DMD: variants seen among roughly 807,000 people sequenced by gnomAD.
The protein encoded by DMD is mutant dystrophin.
In DMD, 63 loss-of-function variants were observed where a neutral mutation model predicts 330.1. The ratio of observed to expected loss-of-function variants is 0.19; its 90% CI spans 0.16 to 0.24. The LOEUF is 0.24. Ranked by LOEUF, DMD falls within the 10% of genes least tolerant of loss-of-function variation. The pLI, the probability that DMD is intolerant of heterozygous loss-of-function variation, is 1.00. For synonymous variants in DMD, 1,223 were observed against 959.8 expected (o/e 1.27, Z -5.07); for missense variants, 3,344 against 2,684.1 (o/e 1.25, Z -5.43).
intron 2 of DMD, among the ~76,000 whole-genome samples, chrX:32,926,621 G>T (rs1031417778): frequency 9.2e-6 from 1 of 109,116 alleles, no homozygotes; most frequent in African/African-American, 3.3e-5. Flanking sequence ...ATGTGGCGGC[G>T]TGAGGCTGTA....
intron 55 of DMD, among the ~76,000 whole-genome samples, chrX:31,610,795 T>C (rs1305400991): frequency 9.0e-6 from 1 of 111,581 alleles, no homozygotes; most frequent in Non-Finnish European, 1.9e-5. Context: ...TCATGAGTCA[T>C]TAGAGTGTAA....
In DMD at chrX:32,342,158, C is replaced by T. The variant is rs200455300; in HGVS notation, c.5864G>A (p.Arg1955His). Residue 1955 changes from arginine (R) to histidine (H), a missense_variant, in exon 41 of 79, where the codon CGC (arginine) becomes CAC (histidine). Coordinates refer to ENST00000357033, the MANE Select transcript of DMD (RefSeq NM_004006.3). ...AAATTTGCTCTCAATTTCCCGCCAGCGCTTGCTGAGCTGGATCTGAGTTGG... is the reference window on the plus strand; with the variant it reads ...AAATTTGCTCTCAATTTCCCGCCAGTGCTTGCTGAGCTGGATCTGAGTTGG... Reference protein sequence around the residue: ...VEPTQIQLSKRWREIESKFAQ... With the variant: ...VEPTQIQLSKHWREIESKFAQ... 22 of 1,208,327 alleles carry T rather than the reference C, an allele frequency of 1.8e-5. No homozygotes were observed. The highest frequency in any genetic ancestry group is 5.9e-5 in the East Asian group (2 of 33,672).
rs1028382266 is a variant in DMD, at chrX:31,970,041, G to A, written c.6439-1527C>T. 6.3e-5 allele frequency among the ~76,000 whole-genome samples: 7 copies of A among 111,964 alleles called. No homozygotes were observed. The East Asian group carries it at 2.0e-3, about 32-fold the overall frequency. On this transcript the variant is annotated intron_variant, in intron 44 of 78. Coordinates refer to ENST00000357033, the MANE Select transcript of DMD (RefSeq NM_004006.3). ...CAAACTGTGTCTATATATTAGGTTG[G>A]TGCAAAAGTAATCACGGTTTATGCC...
chrX:31,421,494 T>TTTA (rs2063358863), intron 60 of DMD, among the ~76,000 whole-genome samples: 1 of 111,904 alleles, frequency 8.9e-6, no homozygotes, highest in African/African-American at 3.2e-5. Context: ...TTTCTATCAA[T>TTTA]TATTATATGC....
intron 39 of DMD, among the ~76,000 whole-genome samples, chrX:32,344,544 C>T (rs763005677): frequency 3.6e-5 from 4 of 110,991 alleles, no homozygotes; most frequent in African/African-American, 6.5e-5. Flanking sequence ...TCAGATCGAA[C>T]GCTGCTTTTT....
chrX:31,275,563 G>GA (rs1221404536), intron 62 of DMD, among the ~76,000 whole-genome samples: 1 of 111,194 alleles, frequency 9.0e-6, no homozygotes, highest in Non-Finnish European at 1.9e-5. Context: ...GGATAGAGAA[G>GA]AAAAAATTGG....
At chrX:32,915,678 C>A (rs900478231) in intron 2 of DMD, among the ~76,000 whole-genome samples, 1 of 111,955 alleles carries the variant, frequency 8.9e-6, no homozygotes, top group Admixed American at 9.5e-5. Context: ...AGTAATTGTT[C>A]CTCACTTGAC....
At chrX:32,441,035 C>G in intron 28 of DMD, 145 bp downstream of exon 28, 1 of 654,435 alleles carries the variant, frequency 1.5e-6, no homozygotes, top group East Asian at 3.6e-5. Flanking sequence ...GGAACAAAGG[C>G]TTTATCCAAA....
rs1174073521 is a variant in DMD at position 31,134,124 on chromosome X, G to A, written c.10992C>T (p.Asn3664=). 12 of 1,209,114 alleles carry A rather than the reference G, an allele frequency of 9.9e-6. No individual in the cohort carries two copies. Among genetic ancestry groups the A allele is most frequent in the Non-Finnish European group, 1.3e-5 (12 of 894,717 alleles). Reference sequence around the variant, plus strand: ...TACCTCTTGAACTAGGGAAGGAGTTGTTGAGTTGCTCCATCACCTCCTCTA... The same window carrying A: ...TACCTCTTGAACTAGGGAAGGAGTTATTGAGTTGCTCCATCACCTCCTCTA... ...TGLEEVMEQL[N]NSFPSSRGRN... Residue 3664 remains asparagine (N), a synonymous_variant, in exon 77 of 79, where the codon AAC becomes AAT. Coordinates refer to ENST00000357033, the MANE Select transcript of DMD (RefSeq NM_004006.3).
intron 60 of DMD, among the ~76,000 whole-genome samples, chrX:31,406,099 T>G (rs2061393181): frequency 1.8e-5 from 2 of 111,953 alleles, no homozygotes; most frequent in African/African-American, 6.5e-5. Context: ...AATACCAAAT[T>G]AGAAACTAAG....
chrX:32,786,724 G>C lies in DMD; in HGVS notation c.649+22769C>G, dbSNP rs186923020. The stretch of plus-strand genomic sequence containing the variant: ...TGCAAAGAAAATATTCATGGAAGAA[G>C]AGAGGAATATTCTGCCATAAGATTA... On this transcript the variant is annotated intron_variant, in intron 7 of 78. Coordinates refer to ENST00000357033, the MANE Select transcript of DMD (RefSeq NM_004006.3). Among the ~76,000 whole-genome samples the C allele has an allele frequency of 4.6e-4, 52 of 111,939 alleles. 1 individual carries two copies. Among genetic ancestry groups the C allele is most frequent in the Non-Finnish European group, 9.4e-5 (5 of 53,151 alleles).
intron 43 of DMD, among the ~76,000 whole-genome samples, chrX:32,252,733 AATATATATATAAATATAT>A (rs2097273366): frequency 5.6e-5 from 2 of 35,850 alleles, no homozygotes; most frequent in Non-Finnish European, 8.4e-5. Context: ...TAAATATATA[AATATATATATAAATATAT>A]ATAAATATAT....
chrX:33,020,669 G>A lies in DMD; in HGVS notation c.32-469C>T, dbSNP rs191675752. Among the ~76,000 whole-genome samples the A allele has an allele frequency of 3.1e-4, 34 of 111,397 alleles. No individual in the cohort carries two copies. The East Asian group carries it at 3.7e-3, about 12-fold the overall frequency. On this transcript the variant is annotated intron_variant, in intron 1 of 78. Transcript: ENST00000357033. ...AGCGTGGGCGACAGAGCAAGATCCC[G>A]CCTCAGATTTGTAATATCTGAAAAA...
At chrX:31,452,090 C>A (rs1011400259) in intron 59 of DMD, among the ~76,000 whole-genome samples, 16 of 107,278 alleles carry the variant, frequency 1.5e-4, no homozygotes, top group Non-Finnish European at 3.1e-4. Flanking sequence ...AGGTTAAAGT[C>A]AAAAAAAAGA....
intron 60 of DMD, among the ~76,000 whole-genome samples, chrX:31,390,534 C>T (rs2060638765): frequency 9.0e-6 from 1 of 110,972 alleles, no homozygotes; most frequent in Non-Finnish European, 1.9e-5. Flanking sequence ...TTTATCACCT[C>T]AGCAAACAGT....
At chrX:32,306,634 T>C (rs1286637246) in intron 42 of DMD, among the ~76,000 whole-genome samples, 1 of 110,809 alleles carries the variant, frequency 9.0e-6, no homozygotes, top group African/African-American at 3.3e-5. Flanking sequence ...TTTCCTTCCA[T>C]TTATTTCCTC....
chrX:31,784,695 T>C (rs982772682), intron 50 of DMD, among the ~76,000 whole-genome samples: 6 of 111,453 alleles, frequency 5.4e-5, no homozygotes, highest in East Asian at 2.8e-4. Context: ...TTCTGACATA[T>C]TGGGTTGCAG....
At chrX:31,563,356 G>A (rs375309368) in intron 55 of DMD, among the ~76,000 whole-genome samples, 3 of 111,943 alleles carry the variant, frequency 2.7e-5, no homozygotes, top group East Asian at 2.8e-4. Flanking sequence ...CACCATGCCC[G>A]GCCTCCAAAA....
At chrX:33,271,596 G>A (rs1023903152) in intron 1 of DMD, among the ~76,000 whole-genome samples, 5 of 108,850 alleles carry the variant, frequency 4.6e-5, no homozygotes, top group Non-Finnish European at 9.5e-5. Context: ...GTGAAACCTC[G>A]TCTCTACTAA....
Sources: allele counts gnomAD v4.1 joint callset (sites outside exome capture counted in the v4.1 genomes callset), GRCh38; gene constraint gnomAD v4.1.1; transcripts MANE v1.5; gene names NCBI Gene and HGNC (gene_info 2026-07-23, HGNC 2026-07-21).